KLHL2: variants seen among roughly 807,000 people sequenced by gnomAD.
KLHL2 encodes kelch like family member 2, also known as kelch-like protein 2.
In KLHL2, 15 loss-of-function variants were observed where a neutral mutation model predicts 75.8. The ratio of observed to expected loss-of-function variants is 0.20; its 90% CI spans 0.13 to 0.30. KLHL2 has a LOEUF of 0.30. Ranked by LOEUF, KLHL2 falls within the 10% of genes least tolerant of loss-of-function variation. The pLI, the probability that KLHL2 is intolerant of heterozygous loss-of-function variation, is 1.00. For missense variants in KLHL2, 381 were observed against 741.0 expected (o/e 0.51, Z 5.64); for synonymous variants, 214 against 251.9 (o/e 0.85, Z 1.42).
At position 165,207,865 on chromosome 4, in the gene KLHL2, A is replaced by G; in HGVS notation, c.-12A>G. ...GTCGGTGCCTGCGTTCTGAAGCCCGAGAGGAGCCACAATGGAGACGCCGCC... is the reference window on the plus strand; with the variant it reads ...GTCGGTGCCTGCGTTCTGAAGCCCGGGAGGAGCCACAATGGAGACGCCGCC... On this transcript the variant is annotated 5_prime_UTR_variant, in exon 1 of 15. Coordinates refer to ENST00000226725, the MANE Select transcript of KLHL2 (RefSeq NM_007246.4). The surrounding 1 kb of genome is among the most constrained non-coding windows in gnomAD (Gnocchi z 4.2). The G allele has an allele frequency of 6.9e-7, 1 of 1,450,486 alleles. No homozygotes were observed. The highest frequency in any genetic ancestry group is 9.1e-7 in the Non-Finnish European group (1 of 1,095,238). The allele number at this position is 1,450,486 out of a possible 1,614,324, so 89.9% of individuals were successfully genotyped here. A position where few individuals can be genotyped will look rare whatever the true frequency, so the allele number is the denominator to read the frequency against.
intron 6 of KLHL2, among the ~76,000 whole-genome samples, chr4:165,296,775 C>T (rs1744945635): frequency 6.6e-6 from 1 of 152,076 alleles, no homozygotes; most frequent in Non-Finnish European, 1.5e-5. Flanking sequence ...ATCTCTGGCA[C>T]CTGGCACGTA....
chr4:165,276,510 C>T (rs1560794886), intron 5 of KLHL2, among the ~76,000 whole-genome samples: 3 of 146,658 alleles, frequency 2.0e-5, no homozygotes, highest in African/African-American at 7.5e-5. Flanking sequence ...ATCAGCCTAA[C>T]TTTTTTTTTT....
At chr4:165,257,624 C>T (rs909707810) in intron 4 of KLHL2, among the ~76,000 whole-genome samples, 1 of 152,266 alleles carries the variant, frequency 6.6e-6, no homozygotes. Context: ...TTGTGGTAGG[C>T]TACAAGAAGT....
chr4:165,269,766 T>C (rs1434567914), intron 5 of KLHL2, among the ~76,000 whole-genome samples: 1 of 151,942 alleles, frequency 6.6e-6, no homozygotes, highest in African/African-American at 2.4e-5. Flanking sequence ...CATTTCAACC[T>C]TGGTGAATCT....
intron 4 of KLHL2, among the ~76,000 whole-genome samples, chr4:165,253,405 T>G (rs1740903206): frequency 6.6e-6 from 1 of 152,210 alleles, no homozygotes; most frequent in Non-Finnish European, 1.5e-5. Flanking sequence ...GTGCAAATAA[T>G]CATTAATATG....
chr4:165,256,432 C>T (rs956275285), intron 4 of KLHL2, among the ~76,000 whole-genome samples: 2 of 152,124 alleles, frequency 1.3e-5, no homozygotes, highest in Non-Finnish European at 2.9e-5. Flanking sequence ...TGCTGTTCAC[C>T]GAACAGGAAG....
intron 5 of KLHL2, among the ~76,000 whole-genome samples, chr4:165,272,971 G>A (rs1286592783): frequency 6.6e-6 from 1 of 152,106 alleles, no homozygotes; most frequent in African/African-American, 2.4e-5. Context: ...AGCTTTAAAG[G>A]ATGTACTGCT....
chr4:165,301,147 A>G (rs1286381027), intron 8 of KLHL2, among the ~76,000 whole-genome samples: 2 of 152,232 alleles, frequency 1.3e-5, no homozygotes, highest in Non-Finnish European at 2.9e-5. Context: ...GTTTCATTCT[A>G]TATGATTATT....
chr4:165,232,892 T>A (rs1739023282), intron 3 of KLHL2, among the ~76,000 whole-genome samples: 1 of 144,648 alleles, frequency 6.9e-6, no homozygotes. Context: ...TTTTTTTTTT[T>A]TTTTTTTTTT....
chr4:165,299,414 C>T (rs1229249071), intron 7 of KLHL2, 93 bp from the exon 8 acceptor site: 2 of 1,149,686 alleles, frequency 1.7e-6, no homozygotes, highest in East Asian at 5.1e-5. Flanking sequence ...GATATAGTTA[C>T]TGCTTTTTTC....
intron 1 of KLHL2, chr4:165,210,208 A>G (rs772165239): frequency 1.7e-5 from 27 of 1,548,322 alleles, no homozygotes; most frequent in South Asian, 6.0e-5. Context: ...AATTCATTCA[A>G]TGTGCAAATA....
intron 3 of KLHL2, among the ~76,000 whole-genome samples, chr4:165,236,059 T>C (rs1434221684): frequency 6.6e-6 from 1 of 151,982 alleles, no homozygotes; most frequent in African/African-American, 2.4e-5. Flanking sequence ...GGTGGCTACA[T>C]TGGTGTTAGC....
At chr4:165,317,365 CTTT>C (rs34078288) in intron 13 of KLHL2, among the ~76,000 whole-genome samples, 4 of 144,486 alleles carry the variant, frequency 2.8e-5, no homozygotes, top group Admixed American at 7.0e-5. Flanking sequence ...AGAAAGAATT[CTTT>C]TTTTTTTTTT....
intron 10 of KLHL2, among the ~76,000 whole-genome samples, 197 bp from the exon 11 acceptor site, chr4:165,311,267 A>T (rs184944674): frequency 6.6e-6 from 1 of 152,198 alleles, no homozygotes; most frequent in Non-Finnish European, 1.5e-5. Context: ...TTAAAAGCTT[A>T]TAAATATCAG....
At chr4:165,258,100 C>A (rs1471228255) in intron 4 of KLHL2, among the ~76,000 whole-genome samples, 2 of 152,134 alleles carry the variant, frequency 1.3e-5, no homozygotes, top group African/African-American at 4.8e-5. Context: ...CATTCACTGT[C>A]CGCTTTACAT....
chr4:165,318,071 A>G (rs1284792815), intron 14 of KLHL2, 102 bp downstream of exon 14: 1 of 1,053,676 alleles, frequency 9.5e-7, no homozygotes, highest in Non-Finnish European at 1.4e-6. Context: ...GTCTTTTCTC[A>G]AGGTATAGTT....
chr4:165,294,521 TTTA>T, intron 6 of KLHL2, 53 bp downstream of exon 6: 2 of 981,454 alleles, frequency 2.0e-6, no homozygotes, highest in Non-Finnish European at 1.6e-6. Context: ...TTTTTTTTTT[TTTA>T]ATTTCACTTT....
chr4:165,210,379 G>C (rs1737126378), intron 1 of KLHL2, among the ~76,000 whole-genome samples: 1 of 152,074 alleles, frequency 6.6e-6, no homozygotes, highest in Admixed American at 6.5e-5. Flanking sequence ...ACCATTCCTG[G>C]TTCCTTCAGG....
In KLHL2 at chr4:165,317,817, T is replaced by G. The variant is rs1232738099; in HGVS notation, c.1610-9T>G. The G allele has an allele frequency of 6.2e-7, 1 of 1,605,048 alleles. No individual in the cohort carries two copies. Among genetic ancestry groups the G allele is most frequent in the Non-Finnish European group, 8.5e-7 (1 of 1,175,626 alleles). On this transcript the variant is annotated splice_polypyrimidine_tract_variant and intron_variant, in intron 13 of 14. Transcript: ENST00000226725. Reference sequence around the variant, plus strand: ...TAAATAATTGTTTTCTCTCTGTAATTTTTTAAAGGAGTTTGTGCAGTTAAT... The same window carrying G: ...TAAATAATTGTTTTCTCTCTGTAATGTTTTAAAGGAGTTTGTGCAGTTAAT...
Sources: gnomAD v4.1 joint callset for allele counts (sites outside exome capture counted in the v4.1 genomes callset) on GRCh38, gnomAD v4.1.1 for gene constraint, Gnocchi (gnomAD v3.1) non-coding constraint, MANE v1.5 for transcripts, NCBI Gene and HGNC (gene_info 2026-07-23, HGNC 2026-07-21) for gene names.